Variants in MCC observed in about 807,000 individuals in gnomAD.
The protein encoded by MCC is colorectal mutant cancer protein.
MCC carries 90 observed loss-of-function variants against 116.2 expected under a neutral mutation model. The observed-to-expected ratio is 0.77, with a 90% CI of 0.65 to 0.92. The LOEUF (loss-of-function observed/expected upper bound fraction) is 0.92. Among genes scored for constraint, MCC ranks in the 40% least tolerant of loss-of-function variants. The pLI, the probability that MCC is intolerant of heterozygous loss-of-function variation, is 0.00. For missense variants in MCC, 1,516 were observed against 1,312.2 expected (o/e 1.16, Z -2.40); for synonymous variants, 578 against 510.5 (o/e 1.13, Z -1.78).
intron 1 of MCC, among the ~76,000 whole-genome samples, chr5:113,463,939 AG>A: frequency 6.6e-6 from 1 of 152,336 alleles, no homozygotes; most frequent in South Asian, 2.1e-4. Flanking sequence ...GAAAGGAATG[AG>A]CCAAAGAGGT....
intron 1 of MCC, among the ~76,000 whole-genome samples, chr5:113,439,934 A>G (rs1274120591): frequency 6.6e-6 from 1 of 152,058 alleles, no homozygotes; most frequent in East Asian, 1.9e-4. Flanking sequence ...GCATGACCAT[A>G]CCTCACTATA....
Position 113,027,292 on chromosome 5 carries a change from T to G in MCC, c.*10A>C. On this transcript the variant is annotated 3_prime_UTR_variant, in exon 19 of 19. Coordinates refer to ENST00000408903, the MANE Select transcript of MCC (RefSeq NM_001085377.2). ...TTCCCATGGGCAGAACTCCGGTGCG[T>G]GAGTGCTGATTAAAGCGAAGTTTCA... 6.2e-7 allele frequency: 1 copy of G among 1,613,776 alleles called. No homozygotes were observed.
chr5:113,308,117 C>T (rs758365120), intron 3 of MCC, among the ~76,000 whole-genome samples: 1 of 152,116 alleles, frequency 6.6e-6, no homozygotes, highest in Non-Finnish European at 1.5e-5. Flanking sequence ...AGACTACAGA[C>T]GTGCACCACC....
chr5:113,393,595 G>A (rs1422579360), intron 1 of MCC, among the ~76,000 whole-genome samples: 1 of 152,198 alleles, frequency 6.6e-6, no homozygotes, highest in East Asian at 1.9e-4. Context: ...AACATCCTTC[G>A]AGAAACATCA....
chr5:113,351,388 A>G (rs1247479861), intron 2 of MCC, among the ~76,000 whole-genome samples: 8 of 152,208 alleles, frequency 5.3e-5, no homozygotes, highest in Non-Finnish European at 1.2e-4. Flanking sequence ...GTTATTTGCA[A>G]CAACATGGAT....
rs1750493006 is a variant in MCC, at chr5:113,025,670, T to A, written c.*1632A>T. 1 of 152,016 alleles carries A rather than the reference T, an allele frequency of 6.6e-6. No individual in the cohort carries two copies. Among genetic ancestry groups the A allele is most frequent in the African/African-American group, 2.4e-5 (1 of 41,394 alleles). 9.4% of individuals were successfully genotyped at this position (152,016 alleles called of 1,614,324 possible). ...AAACCAGTGAACATTTTCATAGTGA[T>A]CAAAGCACCCCAAAGCTGGTCCTTC... On this transcript the variant is annotated 3_prime_UTR_variant, in exon 19 of 19. Coordinates refer to ENST00000408903, the MANE Select transcript of MCC (RefSeq NM_001085377.2).
intron 2 of MCC, among the ~76,000 whole-genome samples, chr5:113,375,978 G>A (rs976498983): frequency 2.6e-5 from 4 of 152,192 alleles, no homozygotes; most frequent in African/African-American, 9.7e-5. Flanking sequence ...AGCAGCAAGT[G>A]TCATAGCGAA....
intron 6 of MCC, among the ~76,000 whole-genome samples, chr5:113,115,015 T>G (rs550002482): frequency 1.3e-5 from 2 of 148,284 alleles, no homozygotes; most frequent in South Asian, 4.1e-4. Context: ...CTGAGCTGCT[T>G]AACACTTAAG....
chr5:113,207,831 T>C (rs1296484700), intron 3 of MCC, among the ~76,000 whole-genome samples: 1 of 152,094 alleles, frequency 6.6e-6, no homozygotes, highest in East Asian at 1.9e-4. Context: ...AAGATGTCCT[T>C]TGGTAACAAA....
At chr5:113,212,103 T>G (rs1304001444) in intron 3 of MCC, among the ~76,000 whole-genome samples, 1 of 152,212 alleles carries the variant, frequency 6.6e-6, no homozygotes, top group Non-Finnish European at 1.5e-5. Flanking sequence ...GGTCTGGCAT[T>G]TAAAAACTAA....
intron 4 of MCC, among the ~76,000 whole-genome samples, chr5:113,147,494 G>T (rs759001183): frequency 3.9e-5 from 6 of 152,112 alleles, no homozygotes; most frequent in Non-Finnish European, 8.8e-5. Flanking sequence ...TTATGAACTA[G>T]GTTCTTGGAA....
chr5:113,294,366 A>T, intron 3 of MCC: 2 of 1,613,626 alleles, frequency 1.2e-6, no homozygotes, highest in East Asian at 4.5e-5. Context: ...TCCATATTTC[A>T]TGGCAACTCC....
chr5:113,391,774 C>G (rs762300485), intron 1 of MCC, among the ~76,000 whole-genome samples: 1 of 151,444 alleles, frequency 6.6e-6, no homozygotes, highest in Admixed American at 6.6e-5. Context: ...CATATTTTTC[C>G]GTGTTACGGA....
intron 3 of MCC, among the ~76,000 whole-genome samples, chr5:113,237,830 T>C (rs183467360): frequency 1.6e-4 from 25 of 152,360 alleles, no homozygotes; most frequent in African/African-American, 5.8e-4. Flanking sequence ...GATTTAATTT[T>C]GTCTAAGGCA....
chr5:113,081,855 C>A (rs748063839), intron 11 of MCC, among the ~76,000 whole-genome samples: 1 of 152,202 alleles, frequency 6.6e-6, no homozygotes. Context: ...TCAATTTATT[C>A]TGGTTTGCCA....
At chr5:113,032,964 A>C (rs897972737) in intron 17 of MCC, among the ~76,000 whole-genome samples, 2 of 152,236 alleles carry the variant, frequency 1.3e-5, no homozygotes, top group African/African-American at 4.8e-5. Context: ...CCCTTTGTTT[A>C]GCATATTATC....
chr5:113,291,099 A>G (rs1225228969), intron 3 of MCC, among the ~76,000 whole-genome samples: 1 of 152,216 alleles, frequency 6.6e-6, no homozygotes, highest in Non-Finnish European at 1.5e-5. Context: ...GCTGTAATCA[A>G]CTCAGGATCT....
chr5:113,072,735 C>A (rs1219615248), intron 11 of MCC, among the ~76,000 whole-genome samples: 1 of 152,216 alleles, frequency 6.6e-6, no homozygotes, highest in African/African-American at 2.4e-5. Context: ...ACACTCCCAC[C>A]CTAGGGGTGA....
rs577363471 is a variant in MCC, at chr5:113,470,282, G to A, written c.170+17963C>T. Among the ~76,000 whole-genome samples the A allele has an allele frequency of 6.8e-3, 1,031 of 152,256 alleles. 16 individuals carry two copies. The highest frequency in any genetic ancestry group is 0.023 in the African/African-American group (960 of 41,536). ...ATGCAGTTTCTTCCTAGCCTTGATC[G>A]TCTTTACAATTTGGCATGTTTTTGC... On this transcript the variant is annotated intron_variant, in intron 1 of 18. Transcript: ENST00000408903.
Sources: gnomAD v4.1 joint callset for allele counts (sites outside exome capture counted in the v4.1 genomes callset) on GRCh38, gnomAD v4.1.1 for gene constraint, MANE v1.5 for transcripts, NCBI Gene and HGNC (gene_info 2026-07-23, HGNC 2026-07-21) for gene names.